The following CDCP1 variants were observed in gnomAD, a reference collection of about 807,000 sequenced individuals.
CDCP1 encodes CUB domain-containing protein 1.
CDCP1 carries 29 observed loss-of-function variants against 60.2 expected under a neutral mutation model. The observed-to-expected ratio is 0.48, with a 90% CI of 0.36 to 0.66. The LOEUF is 0.66. Among genes scored for constraint, CDCP1 ranks in the 30% least tolerant of loss-of-function variants. CDCP1 has a pLI of 0.00. For missense variants in CDCP1, 876 were observed against 1,074.3 expected, an observed-to-expected ratio of 0.82 and a Z score of 2.58; for synonymous variants, 387 against 431.1, an observed-to-expected ratio of 0.90 and a Z score of 1.27.
Position 45,085,888 on chromosome 3 carries a change from A to AC in CDCP1, c.2260_2261insG (p.Phe754CysfsTer38), listed in dbSNP as rs781251954. 6 of 1,614,010 alleles carry AC rather than the reference A, an allele frequency of 3.7e-6. No homozygotes were observed. On this transcript the variant is annotated frameshift_variant, in exon 9 of 9. Coordinates refer to ENST00000296129, the MANE Select transcript of CDCP1 (RefSeq NM_022842.5). LOFTEE classifies it low-confidence loss of function (END_TRUNC). This position sits in a 1 kb window ranked among gnomAD's most constrained non-coding sequence, Gnocchi z 4.2. ...GTAGGTGTCCACCTCTGGCTGCAGG[A>AC]AGGAGCCGCTGGAATCCTGTAGCAG... is the stretch of plus-strand genomic sequence containing the variant.
chr3:45,109,842 A>G (rs1698658313), intron 4 of CDCP1, among the ~76,000 whole-genome samples: 1 of 152,096 alleles, frequency 6.6e-6, no homozygotes, highest in East Asian at 1.9e-4. Context: ...TTGTGGAATG[A>G]TGTCCAACCT....
At chr3:45,129,445 A>G (rs1312013750) in intron 1 of CDCP1, among the ~76,000 whole-genome samples, 2 of 152,270 alleles carry the variant, frequency 1.3e-5, no homozygotes, top group African/African-American at 4.8e-5. Flanking sequence ...AATAACAAAT[A>G]TAACTCACCT....
At chr3:45,108,176 A>G (rs1482975651) in intron 4 of CDCP1, among the ~76,000 whole-genome samples, 5 of 152,090 alleles carry the variant, frequency 3.3e-5, no homozygotes, top group African/African-American at 1.2e-4. Flanking sequence ...GGGGCACAGG[A>G]CTGGCTTCCT....
chr3:45,107,091 A>G (rs1048943595), intron 4 of CDCP1, among the ~76,000 whole-genome samples: 10 of 151,788 alleles, frequency 6.6e-5, no homozygotes, highest in Non-Finnish European at 1.3e-4. Flanking sequence ...CCTGCCTCCA[A>G]CCTCACCACA....
chr3:45,131,293 G>C (rs1272752482), intron 1 of CDCP1, among the ~76,000 whole-genome samples: 1 of 151,506 alleles, frequency 6.6e-6, no homozygotes, highest in Non-Finnish European at 1.5e-5. Context: ...TTTTATTATA[G>C]TAAAATATGC....
At chr3:45,094,074 T>A (rs1478989114) in intron 5 of CDCP1, among the ~76,000 whole-genome samples, 2 of 152,124 alleles carry the variant, frequency 1.3e-5, no homozygotes, top group Non-Finnish European at 2.9e-5. Flanking sequence ...TGTTAGTTCG[T>A]CTTCTGGCTC....
At chr3:45,109,845 T>C (rs2125996671) in intron 4 of CDCP1, among the ~76,000 whole-genome samples, 1 of 152,238 alleles carries the variant, frequency 6.6e-6, no homozygotes, top group Admixed American at 6.5e-5. Flanking sequence ...TGGAATGATG[T>C]CCAACCTAAT....
At chr3:45,118,978 G>A (rs1698838575) in intron 1 of CDCP1, among the ~76,000 whole-genome samples, 1 of 152,132 alleles carries the variant, frequency 6.6e-6, no homozygotes, top group African/African-American at 2.4e-5. Context: ...CAACATGACA[G>A]TAGAACAAAG....
At chr3:45,124,180 T>C (rs1372916855) in intron 1 of CDCP1, among the ~76,000 whole-genome samples, 1 of 152,216 alleles carries the variant, frequency 6.6e-6, no homozygotes, top group Non-Finnish European at 1.5e-5. Context: ...CTCCCTGCCA[T>C]CCTATTTCTT....
chr3:45,090,157 T>C (rs541160768), intron 7 of CDCP1, among the ~76,000 whole-genome samples: 2 of 152,340 alleles, frequency 1.3e-5, no homozygotes, highest in South Asian at 4.1e-4. Context: ...CTCTTGAGGC[T>C]AACCAGTTGT....
Position 45,091,511 on chromosome 3 carries a change from T to C in CDCP1, c.1655A>G (p.Asp552Gly). 1 of 1,606,082 alleles carries C rather than the reference T, an allele frequency of 6.2e-7. No homozygotes were observed. Among genetic ancestry groups the C allele is most frequent in the South Asian group, 1.1e-5 (1 of 90,124 alleles). ...KEEGVFTVTP[D>G]TKSKVYLRTP... ...CCTCAGGTAGACCTTGCTTTTTGTG[T>C]CAGGGGTCACCGTGAAAACGCCTTC... The change falls in exon 7 of 9, where the codon GAC becomes GGC. Residue 552 changes from aspartate (D) to glycine (G), a missense_variant. Around this residue, in one of 2 missense-constraint regions of CDCP1, gnomAD observed 726 missense variants for 935.7 expected, o/e 0.78. Transcript: ENST00000296129. This position sits in a 1 kb window ranked among gnomAD's most constrained non-coding sequence, Gnocchi z 4.8.
chr3:45,109,129 T>C (rs1417330312), intron 4 of CDCP1, among the ~76,000 whole-genome samples: 2 of 151,364 alleles, frequency 1.3e-5, no homozygotes, highest in Non-Finnish European at 2.9e-5. Flanking sequence ...TTTGACTTTT[T>C]TGTAGGACGG....
intron 4 of CDCP1, among the ~76,000 whole-genome samples, chr3:45,102,713 C>T (rs895744136): frequency 6.6e-6 from 1 of 151,990 alleles, no homozygotes; most frequent in South Asian, 2.1e-4. Flanking sequence ...AACTCTGTCA[C>T]CCAGGCTGGA....
chr3:45,100,633 C>A (rs535406820), intron 4 of CDCP1, among the ~76,000 whole-genome samples: 2 of 152,266 alleles, frequency 1.3e-5, no homozygotes, highest in East Asian at 3.9e-4. Flanking sequence ...CTTTCTATTT[C>A]TCTTTCTTCC....
At chr3:45,094,701 G>A (rs943855272) in intron 5 of CDCP1, among the ~76,000 whole-genome samples, 4 of 151,364 alleles carry the variant, frequency 2.6e-5, no homozygotes, top group African/African-American at 9.7e-5. Flanking sequence ...GAGTGTGGAA[G>A]TGGGGGTGTG....
chr3:45,121,078 A>G (rs1698875774), intron 1 of CDCP1, among the ~76,000 whole-genome samples: 3 of 152,132 alleles, frequency 2.0e-5, no homozygotes, highest in Admixed American at 1.3e-4. Flanking sequence ...ACTCCATATA[A>G]AACTATTAGT....
intron 1 of CDCP1, among the ~76,000 whole-genome samples, 161 bp downstream of exon 1, chr3:45,146,045 T>A (rs56190366): frequency 0.35 from 52,281 of 151,410 alleles, 9,502 homozygotes; most frequent in Middle Eastern, 0.42. Flanking sequence ...AGTCCGGGGG[T>A]CCCGGAGCCA....
chr3:45,109,644 A>G (rs908468004), intron 4 of CDCP1, among the ~76,000 whole-genome samples: 1 of 151,924 alleles, frequency 6.6e-6, no homozygotes, highest in Admixed American at 6.6e-5. Flanking sequence ...CAGGGCCAAG[A>G]CTGGGGTGAG....
intron 4 of CDCP1, among the ~76,000 whole-genome samples, chr3:45,109,906 T>C (rs1345157151): frequency 6.6e-6 from 1 of 152,094 alleles, no homozygotes; most frequent in Non-Finnish European, 1.5e-5. Flanking sequence ...AGGCTCAGGG[T>C]TCTGAGCTTG....
Sources: allele counts gnomAD v4.1 joint callset (sites outside exome capture counted in the v4.1 genomes callset), GRCh38; gene constraint gnomAD v4.1.1; regional missense constraint gnomAD v4.1.1; non-coding constraint Gnocchi (gnomAD v3.1); transcripts MANE v1.5; gene names NCBI Gene and HGNC (gene_info 2026-07-23, HGNC 2026-07-21).